Variants in IQCM observed in about 807,000 individuals in gnomAD.
IQCM encodes IQ domain-containing protein M.
A neutral mutation model predicts 57.6 loss-of-function variants in IQCM; 45 were observed. The observed-to-expected ratio is 0.78, with a 90% CI of 0.62 to 1.00. IQCM has a LOEUF of 1.00. Ranked by LOEUF, IQCM falls within the 50% of genes least tolerant of loss-of-function variation. The pLI is 0.00. For synonymous variants in IQCM, 148 were observed against 158.9 expected, an observed-to-expected ratio of 0.93 and a Z score of 0.51; for missense variants, 468 against 511.6, an observed-to-expected ratio of 0.91 and a Z score of 0.82.
Position 149,699,519 on chromosome 4 carries a change from A to C in IQCM, c.386-13051T>G, listed in dbSNP as rs538502118. 2.5e-4 allele frequency among the ~76,000 whole-genome samples: 38 copies of C among 152,006 alleles called. 1 individual carries two copies. In the South Asian group the frequency reaches 7.9e-3, roughly 32 times the overall value. On this transcript the variant is annotated intron_variant, in intron 5 of 13. Transcript: ENST00000636793. The stretch of plus-strand genomic sequence containing the variant: ...GCTCAGGCTTACTGGGCTCTAGTCC[A>C]TCTGATGGAAAGATAGAGGCATATA...
At chr4:149,562,162 A>C (rs1459134408) in intron 10 of IQCM, among the ~76,000 whole-genome samples, 1 of 152,214 alleles carries the variant, frequency 6.6e-6, no homozygotes, top group Non-Finnish European at 1.5e-5. Flanking sequence ...TAGGTCTTCA[A>C]AAAGATTGTA....
chr4:149,387,502 TTTCTAA>T, intron 13 of IQCM, among the ~76,000 whole-genome samples: 1 of 152,204 alleles, frequency 6.6e-6, no homozygotes. Flanking sequence ...AATGGTGATT[TTTCTAA>T]TTCTATCAAT....
chr4:149,762,026 G>C (rs1219002189), intron 2 of IQCM, among the ~76,000 whole-genome samples: 2 of 151,974 alleles, frequency 1.3e-5, no homozygotes, highest in Admixed American at 1.3e-4. Flanking sequence ...AAATCAACCT[G>C]CTAGCTTATC....
At chr4:149,645,568 A>G (rs987214990) in intron 7 of IQCM, among the ~76,000 whole-genome samples, 7 of 152,206 alleles carry the variant, frequency 4.6e-5, no homozygotes, top group African/African-American at 1.7e-4. Flanking sequence ...ACCCAAGAGT[A>G]AGGTGATGTG....
chr4:149,548,291 A>G (rs1748659575), intron 12 of IQCM, among the ~76,000 whole-genome samples, 164 bp downstream of exon 12: 1 of 152,202 alleles, frequency 6.6e-6, no homozygotes, highest in Non-Finnish European at 1.5e-5. Flanking sequence ...AAATATTAAG[A>G]TCAGATGCAA....
At chr4:149,678,395 G>GA (rs1406773075) in intron 7 of IQCM, among the ~76,000 whole-genome samples, 6 of 151,816 alleles carry the variant, frequency 4.0e-5, no homozygotes, top group Non-Finnish European at 8.8e-5. Flanking sequence ...TGCTGAAACA[G>GA]AAAATCTATT....
chr4:149,654,826 G>A (rs1759500055), intron 7 of IQCM, among the ~76,000 whole-genome samples: 2 of 152,124 alleles, frequency 1.3e-5, no homozygotes, highest in South Asian at 4.1e-4. Context: ...AAGATATGCT[G>A]TAAATTAAAT....
At chr4:149,495,495 G>A (rs1255489030) in intron 12 of IQCM, among the ~76,000 whole-genome samples, 1 of 152,102 alleles carries the variant, frequency 6.6e-6, no homozygotes, top group African/African-American at 2.4e-5. Flanking sequence ...CCATGACTCT[G>A]ACCATTGATA....
chr4:149,686,429 G>C lies in IQCM; in HGVS notation c.425C>G (p.Pro142Arg). Residue 142 changes from proline to arginine, a missense_variant, in exon 6 of 14, where the codon CCA becomes CGA. By Grantham distance (103) the Pro-to-Arg change is moderately radical. Coordinates refer to ENST00000636793, the MANE Select transcript of IQCM (RefSeq NM_001363507.2). The stretch of plus-strand genomic sequence containing the variant: ...TGCTGTCTCCATTTTTTTACTCACT[G>C]GTTCAATAATAGTCATGATTTTATC... ...KLDKIMTIIE[P>R]VSKKMETAKQ... 8.1e-7 allele frequency: 1 copy of C among 1,227,608 alleles called. No individual in the cohort carries two copies. The highest frequency in any genetic ancestry group is 1.6e-5 in the African/African-American group (1 of 64,242). 76.0% of individuals were successfully genotyped at this position (1,227,608 alleles called of 1,614,324 possible). A position where few individuals can be genotyped will look rare whatever the true frequency, so the allele number is the denominator to read the frequency against.
chr4:149,763,951 G>C (rs1468694093), intron 2 of IQCM, among the ~76,000 whole-genome samples: 1 of 151,658 alleles, frequency 6.6e-6, no homozygotes, highest in Non-Finnish European at 1.5e-5. Context: ...TGCCCTATTT[G>C]CCAGAGAAAA....
At chr4:149,651,460 A>G (rs1427853363) in intron 7 of IQCM, among the ~76,000 whole-genome samples, 3 of 152,170 alleles carry the variant, frequency 2.0e-5, no homozygotes, top group Non-Finnish European at 4.4e-5. Flanking sequence ...ATGCACATAC[A>G]CAAATTTGTG....
intron 13 of IQCM, among the ~76,000 whole-genome samples, chr4:149,387,668 A>G (rs1731517572): frequency 6.6e-6 from 1 of 151,926 alleles, no homozygotes; most frequent in South Asian, 2.1e-4. Flanking sequence ...TGCAGGGCCT[A>G]TTTCTTTTTC....
At chr4:149,672,154 C>A (rs942719786) in intron 7 of IQCM, among the ~76,000 whole-genome samples, 3 of 152,102 alleles carry the variant, frequency 2.0e-5, no homozygotes, top group East Asian at 1.9e-4. Context: ...TAGATAAAAC[C>A]ACAAAGATGG....
intron 13 of IQCM, among the ~76,000 whole-genome samples, chr4:149,432,711 A>T (rs1415340485): frequency 6.6e-6 from 1 of 152,012 alleles, no homozygotes. Context: ...ATACACTGGG[A>T]GAAAATATTC....
intron 12 of IQCM, among the ~76,000 whole-genome samples, chr4:149,505,966 T>G (rs141277382): frequency 1.4e-4 from 21 of 152,344 alleles, no homozygotes; most frequent in Non-Finnish European, 2.9e-4. Context: ...AGGTCCTGGA[T>G]ACATTTTTAC....
At chr4:149,564,183 A>G (rs906831063) in intron 9 of IQCM, among the ~76,000 whole-genome samples, 1 of 152,232 alleles carries the variant, frequency 6.6e-6, no homozygotes, top group African/African-American at 2.4e-5. Context: ...TTTTCATATG[A>G]CACGGCAGTT....
intron 2 of IQCM, among the ~76,000 whole-genome samples, chr4:149,764,032 G>C (rs1769793341): frequency 6.6e-6 from 1 of 151,992 alleles, no homozygotes; most frequent in Admixed American, 6.6e-5. Context: ...CAAAAGTGCT[G>C]GAATCAAGTA....
At chr4:149,735,583 A>G in intron 3 of IQCM, 125 bp from the exon 4 acceptor site, 1 of 415,468 alleles carries the variant, frequency 2.4e-6, no homozygotes, top group Non-Finnish European at 4.1e-6. Flanking sequence ...GCTTTTAAGA[A>G]GAAATATAAG....
At chr4:149,564,813 CTATA>C (rs34318269) in intron 9 of IQCM, among the ~76,000 whole-genome samples, 1 of 150,732 alleles carries the variant, frequency 6.6e-6, no homozygotes, top group Admixed American at 6.6e-5. Context: ...TAATAAATTC[CTATA>C]TATATATATA....
Sources: allele counts gnomAD v4.1 joint callset (sites outside exome capture counted in the v4.1 genomes callset), GRCh38; gene constraint gnomAD v4.1.1; transcripts MANE v1.5; gene names NCBI Gene and HGNC (gene_info 2026-07-23, HGNC 2026-07-21).